Variants in CNTN4 observed in about 807,000 individuals in gnomAD.
The protein encoded by CNTN4 is contactin 4.
A neutral mutation model predicts 122.5 loss-of-function variants in CNTN4; 77 were observed. The ratio of observed to expected loss-of-function variants is 0.63; its 90% CI spans 0.52 to 0.76. The LOEUF (loss-of-function observed/expected upper bound fraction) is 0.76, where lower values mean the gene tolerates loss of function less well. Ranked by LOEUF, CNTN4 falls within the 30% of genes least tolerant of loss-of-function variation. The probability of loss-of-function intolerance (pLI) is 0.00; values close to 1 mark genes in which losing one functional copy is unlikely to be tolerated. For missense variants in CNTN4, 1,256 were observed against 1,259.1 expected (o/e 1.00, Z 0.04); for synonymous variants, 512 against 447.0 (o/e 1.15, Z -1.83).
chr3:2,164,738 G>T (rs963998407), intron 2 of CNTN4, among the ~76,000 whole-genome samples: 9 of 152,226 alleles, frequency 5.9e-5, no homozygotes, highest in Non-Finnish European at 1.0e-4. Context: ...AGAACTGTGA[G>T]TAAAAAGGGT....
At chr3:2,369,099 AT>A (rs1343879273) in intron 3 of CNTN4, among the ~76,000 whole-genome samples, 1 of 151,790 alleles carries the variant, frequency 6.6e-6, no homozygotes, top group East Asian at 1.9e-4. Context: ...ATTTTTTTCT[AT>A]TTTTAGTAGA....
chr3:2,444,104 G>A (rs1044091402), intron 3 of CNTN4, among the ~76,000 whole-genome samples: 1 of 151,660 alleles, frequency 6.6e-6, no homozygotes, highest in South Asian at 2.1e-4. Context: ...TCTTTTTAAG[G>A]CTTTTCATTC....
At chr3:2,488,167 T>A (rs2076215782) in intron 3 of CNTN4, among the ~76,000 whole-genome samples, 1 of 152,242 alleles carries the variant, frequency 6.6e-6, no homozygotes, top group Non-Finnish European at 1.5e-5. Context: ...CTGGTAATTA[T>A]CTAAGATGTT....
chr3:2,961,315 C>G (rs2094856781), intron 13 of CNTN4, among the ~76,000 whole-genome samples: 1 of 150,902 alleles, frequency 6.6e-6, no homozygotes, highest in Admixed American at 6.6e-5. Flanking sequence ...CCAGCCAACA[C>G]CTAGCTGAAA....
intron 3 of CNTN4, among the ~76,000 whole-genome samples, chr3:2,457,059 C>A (rs1355052312): frequency 6.6e-6 from 1 of 151,970 alleles, no homozygotes; most frequent in East Asian, 1.9e-4. Flanking sequence ...GAGATTAAAC[C>A]CAATGAGCCA....
chr3:3,001,519 T>A (rs1040119714), intron 14 of CNTN4, among the ~76,000 whole-genome samples: 1 of 152,198 alleles, frequency 6.6e-6, no homozygotes, highest in Non-Finnish European at 1.5e-5. Context: ...AGACTTGTAT[T>A]GTTTGGCTGT....
chr3:2,130,995 T>G (rs1252329705), intron 2 of CNTN4, among the ~76,000 whole-genome samples: 2 of 152,150 alleles, frequency 1.3e-5, no homozygotes, highest in Non-Finnish European at 2.9e-5. Flanking sequence ...TTCCAGAGCG[T>G]TTTGCATATT....
At chr3:2,892,417 G>T (rs562020769) in intron 10 of CNTN4, among the ~76,000 whole-genome samples, 1 of 152,316 alleles carries the variant, frequency 6.6e-6, no homozygotes, top group Admixed American at 6.5e-5. Flanking sequence ...GCAAGAGAAG[G>T]TGTTCCTGCT....
At chr3:2,311,527 A>G (rs925902786) in intron 2 of CNTN4, among the ~76,000 whole-genome samples, 1 of 152,088 alleles carries the variant, frequency 6.6e-6, no homozygotes, top group Non-Finnish European at 1.5e-5. Context: ...CTGAAGTAAA[A>G]GTAGTATAAA....
At chr3:2,447,737 C>T (rs1383056169) in intron 3 of CNTN4, among the ~76,000 whole-genome samples, 5 of 151,918 alleles carry the variant, frequency 3.3e-5, no homozygotes, top group African/African-American at 4.8e-5. Flanking sequence ...ATATTCAATA[C>T]ATTATACATA....
At chr3:2,855,304 C>G (rs1183853470) in intron 7 of CNTN4, among the ~76,000 whole-genome samples, 1 of 152,176 alleles carries the variant, frequency 6.6e-6, no homozygotes, top group Admixed American at 6.5e-5. Flanking sequence ...GTCATGGTCT[C>G]AAGAGATGTC....
At chr3:2,607,528 A>G (rs2081307479) in intron 4 of CNTN4, among the ~76,000 whole-genome samples, 1 of 151,778 alleles carries the variant, frequency 6.6e-6, no homozygotes, top group South Asian at 2.1e-4. Flanking sequence ...AAAAATTTCA[A>G]AAGGATATAA....
At chr3:2,783,288 G>A (rs549653464) in intron 6 of CNTN4, among the ~76,000 whole-genome samples, 57 of 152,060 alleles carry the variant, frequency 3.7e-4, no homozygotes, top group African/African-American at 1.2e-3. Flanking sequence ...ATTCTGTCTC[G>A]AAAAAATAAA....
At chr3:2,334,502 CCTGT>C (rs918137924) in intron 2 of CNTN4, among the ~76,000 whole-genome samples, 1 of 152,016 alleles carries the variant, frequency 6.6e-6, no homozygotes, top group Non-Finnish European at 1.5e-5. Context: ...TAATTTTGGC[CCTGT>C]CTTACAGATG....
chr3:2,519,996 C>G (rs968705875), intron 3 of CNTN4, among the ~76,000 whole-genome samples: 3 of 151,870 alleles, frequency 2.0e-5, no homozygotes, highest in Non-Finnish European at 4.4e-5. Flanking sequence ...TCCTACAAGG[C>G]TTTTTTTAAA....
chr3:2,897,455 T>C (rs2094127907), intron 10 of CNTN4, among the ~76,000 whole-genome samples: 1 of 151,434 alleles, frequency 6.6e-6, no homozygotes, highest in Admixed American at 6.6e-5. Context: ...AAAAAAGACA[T>C]TTAGAAATGG....
At chr3:2,467,276 A>T (rs2075537427) in intron 3 of CNTN4, among the ~76,000 whole-genome samples, 1 of 151,924 alleles carries the variant, frequency 6.6e-6, no homozygotes, top group African/African-American at 2.4e-5. Context: ...TTTAGTTTCT[A>T]GCTAGAGTCC....
chr3:2,350,557 A>G (rs1369693086), intron 3 of CNTN4, among the ~76,000 whole-genome samples: 2 of 130,026 alleles, frequency 1.5e-5, no homozygotes, highest in African/African-American at 5.4e-5. Flanking sequence ...CATAATTAGT[A>G]TACTTAAATA....
chr3:2,332,308 T>A (rs56183789), intron 2 of CNTN4, among the ~76,000 whole-genome samples: 51,731 of 151,980 alleles, frequency 0.34, 9,768 homozygotes, highest in East Asian at 0.8. Flanking sequence ...ATGTATTCTC[T>A]TCTCATTTTA....
Sources: gnomAD v4.1 joint callset for allele counts (sites outside exome capture counted in the v4.1 genomes callset) on GRCh38, gnomAD v4.1.1 for gene constraint, MANE v1.5 for transcripts, NCBI Gene and HGNC (gene_info 2026-07-23, HGNC 2026-07-21) for gene names.